Variants in CRY2 observed in about 807,000 individuals in gnomAD.
CRY2 encodes the protein cryptochrome-2.
Under a neutral mutation model 69.5 loss-of-function variants are expected in CRY2, and 31 were observed. The ratio of observed to expected loss-of-function variants is 0.45; its 90% CI spans 0.34 to 0.60. The LOEUF (loss-of-function observed/expected upper bound fraction) is 0.60. CRY2 is among the 20% of genes least tolerant of loss of function. The probability of loss-of-function intolerance (pLI) is 0.02; values close to 1 mark genes in which losing one functional copy is unlikely to be tolerated. For synonymous variants in CRY2, 303 were observed against 312.2 expected, an observed-to-expected ratio of 0.97 and a Z score of 0.31; for missense variants, 606 against 797.8, an observed-to-expected ratio of 0.76 and a Z score of 2.90.
At chr11:45,879,017 G>A (rs1255313856) in intron 11 of CRY2, among the ~76,000 whole-genome samples, 1 of 149,796 alleles carries the variant, frequency 6.7e-6, no homozygotes, top group Non-Finnish European at 1.5e-5. Flanking sequence ...ATCACCTGAG[G>A]TCAGGAGTTA....
chr11:45,870,784 T>C (rs2134645549), intron 9 of CRY2, 58 bp from the exon 10 acceptor site: 4 of 1,460,704 alleles, frequency 2.7e-6, no homozygotes, highest in Non-Finnish European at 2.9e-6. Flanking sequence ...CATCCTGCCC[T>C]GTAGCCCTCT....
intron 5 of CRY2, chr11:45,867,331 T>C (rs932844446): frequency 7.5e-6 from 3 of 398,382 alleles, no homozygotes; most frequent in South Asian, 5.4e-5. Flanking sequence ...CCACAGAAGA[T>C]TGGAAATTTT....
intron 11 of CRY2, among the ~76,000 whole-genome samples, chr11:45,875,245 G>A (rs1458444163): frequency 6.6e-6 from 1 of 152,214 alleles, no homozygotes; most frequent in African/African-American, 2.4e-5. Flanking sequence ...TGAGTGCTTG[G>A]TAAGCAGTAG....
chr11:45,858,843 A>G lies in CRY2; in HGVS notation c.437A>G (p.Glu146Gly), dbSNP rs188334224. The G allele has an allele frequency of 1.2e-6, 2 of 1,614,188 alleles. No individual in the cohort carries two copies. The highest frequency in any genetic ancestry group is 1.7e-5 in the Admixed American group (1 of 60,014). The change falls in exon 3 of 12, where the codon GAG becomes GGG. Residue 146 changes from glutamate (E) to glycine (G), a missense_variant. Coordinates refer to ENST00000616080, the MANE Select transcript of CRY2 (RefSeq NM_021117.5). ...GAGGCTGGTGTGGAAGTAGTGACGGAGAATTCTCATACCCTCTATGACCTG... is the reference window on the plus strand; with the variant it reads ...GAGGCTGGTGTGGAAGTAGTGACGGGGAATTCTCATACCCTCTATGACCTG... ...AKEAGVEVVT[E>G]NSHTLYDLDR...
chr11:45,876,582 T>C (rs1480526495), intron 11 of CRY2, among the ~76,000 whole-genome samples: 1 of 152,200 alleles, frequency 6.6e-6, no homozygotes. Context: ...CGTGTTCCAT[T>C]TGCCCTTCTG....
intron 11 of CRY2, among the ~76,000 whole-genome samples, chr11:45,877,733 T>A (rs912235615): frequency 1.2e-4 from 18 of 152,214 alleles, no homozygotes; most frequent in African/African-American, 4.3e-4. Flanking sequence ...CTATCATCAT[T>A]TTTTTGCAAG....
chr11:45,882,960 C>T lies in CRY2; in HGVS notation c.*2049C>T. The T allele has an allele frequency of 2.7e-6, 1 of 371,346 alleles. No individual in the cohort carries two copies. The highest frequency in any genetic ancestry group is 4.8e-6 in the Non-Finnish European group (1 of 209,060). 23.0% of individuals were successfully genotyped at this position (371,346 alleles called of 1,614,324 possible). A position where few individuals can be genotyped will look rare whatever the true frequency, so the allele number is the denominator to read the frequency against. ...TCCCAGATCAACCTGCCAGTGGAGT[C>T]AGGCAGTGCACTCCTGGAGCCAAGA... On this transcript the variant is annotated 3_prime_UTR_variant, in exon 12 of 12. Transcript: ENST00000616080.
chr11:45,858,771 A>C lies in CRY2; in HGVS notation c.365A>C (p.Glu122Ala). 1 of 1,614,138 alleles carries C rather than the reference A, an allele frequency of 6.2e-7. No homozygotes were observed. Among genetic ancestry groups the C allele is most frequent in the Non-Finnish European group, 8.5e-7 (1 of 1,180,018 alleles). Residue 122 changes from glutamate (E) to alanine (A), a missense_variant, in exon 3 of 12, where the codon GAA becomes GCA. Glu to Ala is a moderately radical substitution (Grantham distance 107). This residue lies in a region of CRY2 where 382 missense variants were observed against 508.9 expected (regional missense o/e 0.75). Transcript: ENST00000616080. ...CGCTTGACCTTTGAATATGACTCTG[A>C]ACCCTTTGGGAAAGAACGGGATGCA... ...VTRLTFEYDS[E>A]PFGKERDAAI... is the part of the protein sequence containing the mutation.
At chr11:45,869,144 G>A (rs748364187) in intron 6 of CRY2, among the ~76,000 whole-genome samples, 5 of 152,230 alleles carry the variant, frequency 3.3e-5, no homozygotes, top group South Asian at 2.1e-4. Flanking sequence ...CATGTGTGCT[G>A]ATAGGAAAAT....
At chr11:45,858,581 T>C in intron 2 of CRY2, 150 bp from the exon 3 acceptor site, 2 of 899,168 alleles carry the variant, frequency 2.2e-6, no homozygotes, top group South Asian at 1.9e-5. Context: ...TTGTTTGCTT[T>C]CCAGATCAAA....
intron 5 of CRY2, among the ~76,000 whole-genome samples, chr11:45,865,642 G>A (rs1196887922): frequency 6.6e-6 from 1 of 152,168 alleles, no homozygotes; most frequent in Non-Finnish European, 1.5e-5. Flanking sequence ...TTGTGCAGAG[G>A]CAAAGGCCAG....
chr11:45,870,583 C>A (rs1229068414), intron 9 of CRY2, 51 bp downstream of exon 9: 6 of 1,593,572 alleles, frequency 3.8e-6, no homozygotes, highest in Non-Finnish European at 5.1e-6. Context: ...CACCTACAGG[C>A]TCAGGGGGCC....
At chr11:45,867,972 C>G (rs2134642553) in intron 6 of CRY2, 1 of 581,938 alleles carries the variant, frequency 1.7e-6, no homozygotes, top group African/African-American at 1.9e-5. Context: ...GAAGCCCAGA[C>G]CATCATGTAG....
chr11:45,867,632 G>A lies in CRY2; in HGVS notation c.762G>A (p.Glu254=). Residue 254 remains glutamate (E), a synonymous_variant, in exon 6 of 12, where the codon GAG becomes GAA. Coordinates refer to ENST00000616080, the MANE Select transcript of CRY2 (RefSeq NM_021117.5). ...LERKAWVANY[E]RPRMNANSLL... is the part of the protein sequence containing the mutation. ...TGTAGGCCTGGGTTGCCAACTATGAGAGACCCCGAATGAACGCCAACTCCC... is the reference window on the plus strand; with the variant it reads ...TGTAGGCCTGGGTTGCCAACTATGAAAGACCCCGAATGAACGCCAACTCCC... The A allele has an allele frequency of 6.2e-7, 1 of 1,614,176 alleles. No individual in the cohort carries two copies. The highest frequency in any genetic ancestry group is 8.5e-7 in the Non-Finnish European group (1 of 1,180,046).
At position 45,875,795 on chromosome 11, in the gene CRY2, G is replaced by A. The variant is rs1317553565; in HGVS notation, c.*2+3562G>A. On this transcript the variant is annotated intron_variant, in intron 11 of 11. Transcript: ENST00000616080. Reference sequence around the variant, plus strand: ...CACCATGTGCTGGCAGAGGCACCTGGGCCTAAAGATGCTTAGCATCCTCAG... The same window carrying A: ...CACCATGTGCTGGCAGAGGCACCTGAGCCTAAAGATGCTTAGCATCCTCAG... Among the ~76,000 whole-genome samples, 5 of 152,266 alleles carry A rather than the reference G, an allele frequency of 3.3e-5. No homozygotes were observed. In the South Asian group the frequency reaches 6.2e-4, roughly 19 times the overall value.
chr11:45,861,817 G>A (rs889536685), intron 4 of CRY2: 14 of 478,858 alleles, frequency 2.9e-5, no homozygotes, highest in African/African-American at 2.6e-4. Context: ...AAAGGCAGGA[G>A]GTCCGGGATT....
At chr11:45,851,540 A>C (rs11605924) in intron 1 of CRY2, among the ~76,000 whole-genome samples, 60,579 of 152,090 alleles carry the variant, frequency 0.4, 14,563 homozygotes, top group Middle Eastern at 0.52. Flanking sequence ...TTGGTACCTG[A>C]GAGAGGCACT....
rs568210987 is a variant in CRY2, at chr11:45,851,428, C to T, written c.215+3723C>T. ...GCCCCATGAGAACAAGTGTGTCTCTCTTCCCAGATGCTGAGAGCTGAACAC... is the reference window on the plus strand; with the variant it reads ...GCCCCATGAGAACAAGTGTGTCTCTTTTCCCAGATGCTGAGAGCTGAACAC... On this transcript the variant is annotated intron_variant, in intron 1 of 11. Coordinates refer to ENST00000616080, the MANE Select transcript of CRY2 (RefSeq NM_021117.5). Among the ~76,000 whole-genome samples, 11 of 152,290 alleles carry T rather than the reference C, an allele frequency of 7.2e-5. No individual in the cohort carries two copies. The East Asian group carries it at 2.1e-3, about 29-fold the overall frequency.
At chr11:45,879,294 C>G (rs900625609) in intron 11 of CRY2, among the ~76,000 whole-genome samples, 1 of 152,034 alleles carries the variant, frequency 6.6e-6, no homozygotes, top group Non-Finnish European at 1.5e-5. Context: ...TATGTCTGCT[C>G]TTTATTTTGC....
Sources: gnomAD v4.1 joint callset for allele counts (sites outside exome capture counted in the v4.1 genomes callset) on GRCh38, gnomAD v4.1.1 for gene constraint, gnomAD v4.1.1 regional missense constraint, MANE v1.5 for transcripts, NCBI Gene and HGNC (gene_info 2026-07-23, HGNC 2026-07-21) for gene names.